CNKSR2: variants seen among roughly 807,000 people sequenced by gnomAD.
The protein encoded by CNKSR2 is CNK homolog protein 2.
CNKSR2 carries 14 observed loss-of-function variants against 84.4 expected under a neutral mutation model. The ratio of observed to expected loss-of-function variants is 0.17; its 90% CI spans 0.11 to 0.26. The LOEUF is 0.26. Ranked by LOEUF, CNKSR2 falls within the 10% of genes least tolerant of loss-of-function variation. The probability of loss-of-function intolerance (pLI) is 1.00; values close to 1 mark genes in which losing one functional copy is unlikely to be tolerated. For synonymous variants in CNKSR2, 275 were observed against 277.9 expected, an observed-to-expected ratio of 0.99 and a Z score of 0.10; for missense variants, 485 against 771.2, an observed-to-expected ratio of 0.63 and a Z score of 4.40.
intron 8 of CNKSR2, among the ~76,000 whole-genome samples, chrX:21,514,064 T>G (rs2091702464): frequency 8.9e-6 from 1 of 111,972 alleles, no homozygotes; most frequent in African/African-American, 3.2e-5. Context: ...TCTATATTTA[T>G]GTACATTCTT....
At chrX:21,453,394 TA>T (rs199850438) in intron 4 of CNKSR2, among the ~76,000 whole-genome samples, 2,888 of 111,975 alleles carry the variant, frequency 0.026, 201 homozygotes, top group Admixed American at 0.21. Flanking sequence ...TATGATAGGA[TA>T]ATTAAAGTGG....
At chrX:21,555,144 GTCT>G (rs2092128136) in intron 11 of CNKSR2, among the ~76,000 whole-genome samples, 1 of 110,256 alleles carries the variant, frequency 9.1e-6, no homozygotes, top group South Asian at 3.8e-4. Flanking sequence ...CAGCATGTAT[GTCT>G]TCTTTTGAAA....
intron 1 of CNKSR2, among the ~76,000 whole-genome samples, chrX:21,385,767 T>G (rs1254926985): frequency 2.7e-5 from 3 of 111,628 alleles, no homozygotes; most frequent in Non-Finnish European, 5.7e-5. Context: ...TTCAAAGATG[T>G]GTATGTCCTC....
At chrX:21,649,158 G>A in intron 21 of CNKSR2, 131 bp downstream of exon 21, 1 of 458,471 alleles carries the variant, frequency 2.2e-6, no homozygotes, top group Non-Finnish European at 3.8e-6. Context: ...AGAACTTGAA[G>A]CTGAGCTATT....
chrX:21,546,136 G>T (rs1479425444), intron 11 of CNKSR2, among the ~76,000 whole-genome samples: 1 of 110,060 alleles, frequency 9.1e-6, no homozygotes, highest in African/African-American at 3.3e-5. Flanking sequence ...AGCTAAAAGA[G>T]CATGTTCTAA....
At chrX:21,518,704 G>C (rs936973578) in intron 9 of CNKSR2, among the ~76,000 whole-genome samples, 3 of 111,366 alleles carry the variant, frequency 2.7e-5, no homozygotes, top group Non-Finnish European at 5.7e-5. Context: ...TACTCTTCAG[G>C]CACTATTTCT....
intron 8 of CNKSR2, among the ~76,000 whole-genome samples, chrX:21,514,540 A>G (rs1402209439): frequency 1.8e-5 from 2 of 111,769 alleles, no homozygotes; most frequent in Non-Finnish European, 3.8e-5. Context: ...AGTGTGAAAG[A>G]ATAGGATGAA....
chrX:21,579,265 T>C (rs954876836), intron 13 of CNKSR2, among the ~76,000 whole-genome samples: 2 of 111,791 alleles, frequency 1.8e-5, no homozygotes, highest in African/African-American at 6.5e-5. Context: ...CCTTCCAGCT[T>C]AGCTAAATTG....
intron 1 of CNKSR2, among the ~76,000 whole-genome samples, chrX:21,394,578 G>A (rs2090095541): frequency 9.0e-6 from 1 of 111,301 alleles, no homozygotes; most frequent in Admixed American, 9.5e-5. Context: ...AGGTCCTAAA[G>A]CATTGTTGTT....
chrX:21,524,745 A>G (rs768415052), intron 9 of CNKSR2, among the ~76,000 whole-genome samples: 1 of 110,927 alleles, frequency 9.0e-6, no homozygotes, highest in Admixed American at 9.6e-5. Context: ...GTAAAAGTAA[A>G]GAAGAGAAGT....
chrX:21,507,969 G>A (rs1326915105), intron 8 of CNKSR2, among the ~76,000 whole-genome samples: 1 of 111,676 alleles, frequency 9.0e-6, no homozygotes, highest in Admixed American at 9.5e-5. Context: ...ATATAGGAAG[G>A]AATGGCTGAA....
At chrX:21,592,235 A>G (rs1280850213) in intron 15 of CNKSR2, 1 of 111,637 alleles carries the variant, frequency 9.0e-6, no homozygotes, top group Admixed American at 9.5e-5. Flanking sequence ...TTATCACTGG[A>G]CTATCATATG....
intron 21 of CNKSR2, 61 bp downstream of exon 21, chrX:21,649,088 C>T (rs2092714506): frequency 1.2e-6 from 1 of 867,288 alleles, no homozygotes. Context: ...AGTGGATTAC[C>T]AGATACTGTA....
At chrX:21,436,775 C>T (rs750618183) in intron 3 of CNKSR2, among the ~76,000 whole-genome samples, 81 of 110,739 alleles carry the variant, frequency 7.3e-4, no homozygotes, top group Non-Finnish European at 1.4e-3. Context: ...AGAGATCTAT[C>T]GTTTTTACTC....
intron 11 of CNKSR2, among the ~76,000 whole-genome samples, chrX:21,536,764 T>C (rs1409365364): frequency 9.1e-6 from 1 of 109,928 alleles, no homozygotes; most frequent in Non-Finnish European, 1.9e-5. Flanking sequence ...GTTCTTAGTC[T>C]GGCTAATAAT....
rs758442520 is a variant in CNKSR2 at position 21,601,450 on chromosome X, AT to A, written c.2044+106del. The A allele has an allele frequency of 7.8e-6, 4 of 514,964 alleles. No individual in the cohort carries two copies. The East Asian group carries it at 1.2e-4, about 15-fold the overall frequency. The allele number at this position is 514,964 out of a possible 1,213,427, so 42.4% of individuals were successfully genotyped here. ...ATCACTTGAGAGAAAATACATGTCAATTTTTGGTTATTTCTCTTCTAGGCAC... is the reference window on the plus strand; with the variant it reads ...ATCACTTGAGAGAAAATACATGTCAATTTTGGTTATTTCTCTTCTAGGCAC... On this transcript the variant is annotated intron_variant, in intron 18 of 21. Transcript: ENST00000379510.
chrX:21,642,820 C>A, intron 20 of CNKSR2: 1 of 743,594 alleles, frequency 1.3e-6, no homozygotes, highest in Non-Finnish European at 1.6e-6. Context: ...TTCTTTCTCA[C>A]AAATGGAATT....
chrX:21,432,798 C>G lies in CNKSR2; in HGVS notation c.415C>G (p.Leu139Val). 8.3e-7 allele frequency: 1 copy of G among 1,208,832 alleles called. No individual in the cohort carries two copies. Among genetic ancestry groups the G allele is most frequent in the Non-Finnish European group, 1.1e-6 (1 of 894,680 alleles). ...TCTGATTGGAGCAGCCAAGAGTCTG[C>G]TTGCCTGGTTGGACAGGTAAAGTCT... is the stretch of plus-strand genomic sequence containing the variant. ...VDLIGAAKSL[L>V]AWLDRSPFAA... The change falls in exon 3 of 22, where the codon CTT (leucine) becomes GTT (valine). Residue 139 changes from leucine to valine, a missense_variant. Leu to Val is a conservative substitution (Grantham distance 32, BLOSUM62 1). This residue lies in a region of CNKSR2 where 109 missense variants were observed against 197.5 expected (regional missense o/e 0.55). Coordinates refer to ENST00000379510, the MANE Select transcript of CNKSR2 (RefSeq NM_014927.5).
intron 11 of CNKSR2, among the ~76,000 whole-genome samples, chrX:21,537,543 C>T (rs1240176982): frequency 9.0e-6 from 1 of 111,140 alleles, no homozygotes; most frequent in East Asian, 2.8e-4. Flanking sequence ...TCTGGGTGCT[C>T]CTGTGTTGGG....
Sources: gnomAD v4.1 joint callset for allele counts (sites outside exome capture counted in the v4.1 genomes callset) on GRCh38, gnomAD v4.1.1 for gene constraint, gnomAD v4.1.1 regional missense constraint, MANE v1.5 for transcripts, NCBI Gene and HGNC (gene_info 2026-07-23, HGNC 2026-07-21) for gene names.